The following SUN1 variants were observed in gnomAD, a reference collection of about 807,000 sequenced individuals.
SUN1 encodes Sad1 and UNC84 domain containing 1, also known as SUN domain-containing protein 1.
A neutral mutation model predicts 103.2 loss-of-function variants in SUN1; 61 were observed. That is an observed-to-expected ratio of 0.59 (90% CI 0.48 to 0.73). The LOEUF (loss-of-function observed/expected upper bound fraction) is 0.73, where lower values mean the gene tolerates loss of function less well. Ranked by LOEUF, SUN1 falls within the 30% of genes least tolerant of loss-of-function variation. The probability of loss-of-function intolerance (pLI) is 0.00; values close to 1 mark genes in which losing one functional copy is unlikely to be tolerated. For missense variants in SUN1, 1,052 were observed against 1,034.6 expected (o/e 1.02, Z -0.23); for synonymous variants, 490 against 425.7 (o/e 1.15, Z -1.86).
At chr7:858,737 T>G (rs1264314216) in intron 13 of SUN1, among the ~76,000 whole-genome samples, 2 of 152,252 alleles carry the variant, frequency 1.3e-5, no homozygotes, top group Non-Finnish European at 2.9e-5. Flanking sequence ...ATCATTTGAT[T>G]GGCAGAAGTC....
In SUN1 at chr7:852,013, T is replaced by C; in HGVS notation, c.821T>C (p.Ile274Thr). The change falls in exon 7 of 19, where the codon ATT (isoleucine) becomes ACT (threonine). Residue 274 changes from isoleucine (I) to threonine (T), a missense_variant. By Grantham distance (89) the Ile-to-Thr change is moderately conservative. Transcript: ENST00000401592. ...GIGWYQFVTL[I>T]SWLNVFLLTR... ...GGATGGTACCAGTTTGTTACTTTGA[T>C]TTCTTGGCTGAATGTGTTTCTTCTT... 2 of 1,614,166 alleles carry C rather than the reference T, an allele frequency of 1.2e-6. No homozygotes were observed. Among genetic ancestry groups the C allele is most frequent in the Non-Finnish European group, 1.7e-6 (2 of 1,179,994 alleles).
chr7:860,254 C>A lies in SUN1; in HGVS notation c.1651C>A (p.Leu551Met). 6.2e-7 allele frequency: 1 copy of A among 1,614,268 alleles called. No homozygotes were observed. Among genetic ancestry groups the A allele is most frequent in the Non-Finnish European group, 8.5e-7 (1 of 1,180,056 alleles). ...GAGCAAAGGCGACTTGCAGACGATG[C>A]TGCGAGACCTGCAGCTGCAGATCCT... ...FVSKGDLQTM[L>M]RDLQLQILRN... Residue 551 changes from leucine to methionine, a missense_variant, in exon 14 of 19, where the codon CTG becomes ATG. By Grantham distance (15) the Leu-to-Met change is conservative. Coordinates refer to ENST00000401592, the MANE Select transcript of SUN1 (RefSeq NM_001130965.3).
chr7:836,910 G>A (rs982499284), intron 1 of SUN1, among the ~76,000 whole-genome samples: 4 of 152,224 alleles, frequency 2.6e-5, no homozygotes, highest in Non-Finnish European at 5.9e-5. Context: ...GACAGAGACC[G>A]AGAGCTGGAG....
At position 852,008 on chromosome 7, in the gene SUN1, T is replaced by A. The variant is rs1295685168; in HGVS notation, c.816T>A (p.Thr272=). The A allele has an allele frequency of 3.8e-5, 62 of 1,614,078 alleles. No homozygotes were observed. Among genetic ancestry groups the A allele is most frequent in the Non-Finnish European group, 5.0e-5 (59 of 1,180,028 alleles). The change falls in exon 7 of 19, where the codon ACT becomes ACA. Residue 272 remains threonine (T), a synonymous_variant. Coordinates refer to ENST00000401592, the MANE Select transcript of SUN1 (RefSeq NM_001130965.3). The stretch of plus-strand genomic sequence containing the variant: ...GGATTGGATGGTACCAGTTTGTTAC[T>A]TTGATTTCTTGGCTGAATGTGTTTC... The part of the protein sequence containing the change: ...WLGIGWYQFV[T]LISWLNVFLL...
intron 15 of SUN1, 105 bp from the exon 16 acceptor site, chr7:865,847 A>G: frequency 1.1e-6 from 1 of 890,210 alleles, no homozygotes; most frequent in Non-Finnish European, 1.8e-6. Flanking sequence ...AGTGATGTCG[A>G]GCACTTTTCT....
intron 13 of SUN1, among the ~76,000 whole-genome samples, chr7:858,900 A>T (rs1291734553): frequency 6.6e-6 from 1 of 152,226 alleles, no homozygotes; most frequent in Non-Finnish European, 1.5e-5. Flanking sequence ...CACGCCTGTG[A>T]TTCCAGCACT....
rs774347766 is a variant in SUN1, at chr7:861,433, C to T, written c.1833C>T (p.Thr611=). ...TGAAGCTGTATTCCCAAGATAAGAC[C>T]GGGATGGTGGACTTTGCTCTGGAAT... ...SALKLYSQDK[T]GMVDFALESG... is the part of the protein sequence containing the mutation. The change falls in exon 15 of 19, where the codon ACC becomes ACT. Residue 611 remains threonine (T), a synonymous_variant. Transcript: ENST00000401592. 9 of 1,614,094 alleles carry T rather than the reference C, an allele frequency of 5.6e-6. No individual in the cohort carries two copies. The highest frequency in any genetic ancestry group is 7.6e-6 in the Non-Finnish European group (9 of 1,180,008).
intron 15 of SUN1, among the ~76,000 whole-genome samples, chr7:862,365 A>T (rs569190150): frequency 6.6e-6 from 1 of 152,218 alleles, no homozygotes; most frequent in African/African-American, 2.4e-5. Flanking sequence ...TCCTAATCCC[A>T]TTAGTACGGG....
rs753073325 is a variant in SUN1 at position 851,416 on chromosome 7, G to A, written c.691G>A (p.Gly231Arg). Reference sequence around the variant, plus strand: ...CTTGCTGCAGATTCTGCGCAGGATCGGAGCTGTGGGCCAGGCTGTGTCCAG... The same window carrying A: ...CTTGCTGCAGATTCTGCGCAGGATCAGAGCTGTGGGCCAGGCTGTGTCCAG... ...YFLLQILRRI[G>R]AVGQAVSRTA... The change falls in exon 6 of 19, where the codon GGA (glycine) becomes AGA (arginine). Residue 231 changes from glycine to arginine, a missense_variant. Transcript: ENST00000401592. 1.2e-5 allele frequency: 19 copies of A among 1,609,440 alleles called. No homozygotes were observed. Among genetic ancestry groups the A allele is most frequent in the Non-Finnish European group, 1.4e-5 (17 of 1,178,006 alleles).
chr7:863,640 G>A (rs904270088), intron 15 of SUN1, among the ~76,000 whole-genome samples: 15 of 152,176 alleles, frequency 9.9e-5, no homozygotes, highest in African/African-American at 2.9e-4. Flanking sequence ...ACCCTGTGCC[G>A]CAAGTAGCCA....
intron 2 of SUN1, among the ~76,000 whole-genome samples, chr7:840,877 G>C (rs906839672): frequency 1.3e-5 from 2 of 151,928 alleles, no homozygotes; most frequent in Non-Finnish European, 2.9e-5. Flanking sequence ...TCCTGACCTC[G>C]TGATCCACCT....
chr7:831,225 G>A (rs561354703), upstream of SUN1, among the ~76,000 whole-genome samples: 18 of 152,128 alleles, frequency 1.2e-4, no homozygotes, highest in Non-Finnish European at 2.2e-4. Context: ...TGTCTGGGTC[G>A]GACGCTGGGC....
intron 1 of SUN1, among the ~76,000 whole-genome samples, chr7:826,433 C>T (rs957580506): frequency 9.9e-5 from 15 of 152,212 alleles, no homozygotes; most frequent in African/African-American, 2.4e-4. Flanking sequence ...AAGGATCTGG[C>T]GAAACATCGC....
Position 832,653 on chromosome 7 carries a change from T to A in SUN1, c.77+52T>A, listed in dbSNP as rs1012286505. The A allele has an allele frequency of 2.0e-6, 3 of 1,480,534 alleles. No homozygotes were observed. In the African/African-American group the frequency reaches 4.2e-5, roughly 21 times the overall value. 91.7% of individuals were successfully genotyped at this position (1,480,534 alleles called of 1,614,324 possible). Reference sequence around the variant, plus strand: ...CTGGCCTTGCAATGCCCACTCGCTGTCGCGGTGGCGTGGACCTTAACAGGA... The same window carrying A: ...CTGGCCTTGCAATGCCCACTCGCTGACGCGGTGGCGTGGACCTTAACAGGA... On this transcript the variant is annotated intron_variant, in intron 1 of 18. Coordinates refer to ENST00000401592, the MANE Select transcript of SUN1 (RefSeq NM_001130965.3).
intron 10 of SUN1, 99 bp downstream of exon 10, chr7:853,717 C>T (rs532988508): frequency 3.0e-5 from 40 of 1,352,068 alleles, no homozygotes; most frequent in Admixed American, 1.3e-4. Context: ...GGAGAGGTGC[C>T]GTTGTGAAAA....
At chr7:854,566 G>A (rs1044227826) in intron 10 of SUN1, among the ~76,000 whole-genome samples, 1 of 152,252 alleles carries the variant, frequency 6.6e-6, no homozygotes, top group Non-Finnish European at 1.5e-5. Context: ...TGGAGACGGC[G>A]AGGGCCTTGG....
In SUN1 at chr7:843,326, GT is replaced by G; in HGVS notation, c.479-12del. On this transcript the variant is annotated splice_polypyrimidine_tract_variant and intron_variant, in intron 4 of 18. Coordinates refer to ENST00000401592, the MANE Select transcript of SUN1 (RefSeq NM_001130965.3). ...CTGTGATAAACAGGTTCCATCTACT[GT>G]TTGAAAACTTTAGGTGGAAATAAAG... 6.2e-7 allele frequency: 1 copy of G among 1,603,718 alleles called. No individual in the cohort carries two copies. The highest frequency in any genetic ancestry group is 8.5e-7 in the Non-Finnish European group (1 of 1,176,050).
upstream of SUN1, among the ~76,000 whole-genome samples, chr7:828,813 C>A (rs1403660115): frequency 1.3e-5 from 2 of 152,208 alleles, no homozygotes; most frequent in Non-Finnish European, 2.9e-5. Flanking sequence ...GAAGCCATCT[C>A]GTAGGAGGAC....
At chr7:851,149 G>A in intron 5 of SUN1, 1 of 340,538 alleles carries the variant, frequency 2.9e-6, no homozygotes, top group South Asian at 5.4e-5. Flanking sequence ...GTATCTGCAG[G>A]CAGAAGTGAG....
Sources: gnomAD v4.1 joint callset for allele counts (sites outside exome capture counted in the v4.1 genomes callset) on GRCh38, gnomAD v4.1.1 for gene constraint, MANE v1.5 for transcripts, NCBI Gene and HGNC (gene_info 2026-07-23, HGNC 2026-07-21) for gene names.